Variants in TMEM114 observed in about 807,000 individuals in gnomAD.
The protein encoded by TMEM114 is claudin-26.
In TMEM114, 6 loss-of-function variants were observed where a neutral mutation model predicts 6.2. That is an observed-to-expected ratio of 0.97 (90% CI 0.53 to 1.91). The LOEUF (loss-of-function observed/expected upper bound fraction) is 1.91. TMEM114 is among the 40% of genes most tolerant of loss of function. TMEM114 has a pLI of 0.01. For synonymous variants in TMEM114, 104 were observed against 73.0 expected, an observed-to-expected ratio of 1.42 and a Z score of -2.16; for missense variants, 218 against 158.3, an observed-to-expected ratio of 1.38 and a Z score of -2.02.
chr16:8,572,761 G>C (rs181085588), intron 2 of TMEM114, among the ~76,000 whole-genome samples: 2 of 152,300 alleles, frequency 1.3e-5, no homozygotes, highest in Admixed American at 1.3e-4. Context: ...CAAGAGAGAA[G>C]CCGCAATGCA....
downstream of TMEM114, among the ~76,000 whole-genome samples, chr16:8,536,777 C>A (rs1900373185): frequency 6.6e-6 from 1 of 152,142 alleles, no homozygotes; most frequent in Non-Finnish European, 1.5e-5. Flanking sequence ...CACTGGGAAT[C>A]ACCACTGTTC....
At chr16:8,535,122 T>C (rs1390656144), downstream of TMEM114, among the ~76,000 whole-genome samples, 2 of 152,194 alleles carry the variant, frequency 1.3e-5, no homozygotes, top group Non-Finnish European at 2.9e-5. Context: ...GTGCCTAGTC[T>C]CTGAGTCTCT....
downstream of TMEM114, among the ~76,000 whole-genome samples, chr16:8,568,939 A>G (rs554834362): frequency 6.6e-6 from 1 of 152,354 alleles, no homozygotes; most frequent in East Asian, 1.9e-4. Context: ...CTCGGCATTT[A>G]TGCAAACAGT....
chr16:8,530,558 A>G, the TMEM114 span, among the ~76,000 whole-genome samples: 7 of 139,114 alleles, frequency 5.0e-5, no homozygotes, highest in South Asian at 5.0e-4. Flanking sequence ...AGAAAGGAAG[A>G]CAGCGAGGGA....
intron 2 of TMEM114, among the ~76,000 whole-genome samples, chr16:8,550,762 C>T (rs548974928): frequency 2.0e-5 from 3 of 152,046 alleles, no homozygotes; most frequent in South Asian, 2.1e-4. Flanking sequence ...GCTCTTGGGG[C>T]TCTGAATGTT....
chr16:8,560,650 C>G (rs1567201256), intron 2 of TMEM114, among the ~76,000 whole-genome samples: 1 of 152,124 alleles, frequency 6.6e-6, no homozygotes, highest in Non-Finnish European at 1.5e-5. Context: ...TCAGCCTCTA[C>G]CAGAGCAAGT....
chr16:8,538,484 C>T (rs1406110897), intron 2 of TMEM114, among the ~76,000 whole-genome samples: 1 of 150,494 alleles, frequency 6.6e-6, no homozygotes, highest in Non-Finnish European at 1.5e-5. Context: ...AATGTGTGTG[C>T]TGTGGTTTTT....
chr16:8,587,796 C>G (rs1220783475), intron 2 of TMEM114, among the ~76,000 whole-genome samples: 1 of 152,086 alleles, frequency 6.6e-6, no homozygotes, highest in East Asian at 1.9e-4. Flanking sequence ...TGAGCTAAGA[C>G]CGTGCCACTG....
At chr16:8,538,837 T>A (rs142300281) in intron 2 of TMEM114, among the ~76,000 whole-genome samples, 167 of 152,316 alleles carry the variant, frequency 1.1e-3, no homozygotes, top group African/African-American at 3.7e-3. Flanking sequence ...TGTATATACT[T>A]CATTGCATAT....
intron 2 of TMEM114, among the ~76,000 whole-genome samples, chr16:8,589,001 C>T (rs1248833189): frequency 6.6e-6 from 1 of 152,060 alleles, no homozygotes; most frequent in Non-Finnish European, 1.5e-5. Context: ...TCAACGTGAG[C>T]TGAATGAACC....
chr16:8,529,572 G>A, the TMEM114 span, among the ~76,000 whole-genome samples: 3 of 152,146 alleles, frequency 2.0e-5, no homozygotes, highest in Non-Finnish European at 4.4e-5. Context: ...TCCCCCTTCA[G>A]ATGAACTGAA....
chr16:8,528,644 G>T, the TMEM114 span, among the ~76,000 whole-genome samples: 19 of 152,144 alleles, frequency 1.2e-4, no homozygotes, highest in Non-Finnish European at 2.5e-4. Context: ...TATTTAAATC[G>T]CAGCCTTGGT....
chr16:8,555,779 G>C (rs1448359707), intron 2 of TMEM114, among the ~76,000 whole-genome samples: 22 of 152,142 alleles, frequency 1.4e-4, no homozygotes, highest in Admixed American at 1.4e-3. Flanking sequence ...GGATGCAGTT[G>C]GCATCTACTG....
At chr16:8,564,625 GTGAGTGAGTGAA>G (rs1901457166), downstream of TMEM114, among the ~76,000 whole-genome samples, 3 of 136,530 alleles carry the variant, frequency 2.2e-5, 1 homozygote, top group South Asian at 2.6e-4. Context: ...GAGTGAATGA[GTGAGTGAGTGAA>G]TGAGTGAGTA....
chr16:8,556,624 C>G (rs957695974), intron 2 of TMEM114, among the ~76,000 whole-genome samples: 6 of 152,046 alleles, frequency 3.9e-5, no homozygotes, highest in Admixed American at 3.9e-4. Flanking sequence ...GCCCCAGCCT[C>G]CTGAATAGCT....
intron 3 of TMEM114, among the ~76,000 whole-genome samples, chr16:8,571,043 G>C (rs1333375929): frequency 6.6e-6 from 1 of 151,820 alleles, no homozygotes; most frequent in Non-Finnish European, 1.5e-5. Flanking sequence ...TGAGAACTTT[G>C]CAATATTTTC....
chr16:8,547,945 G>A (rs1014319154), intron 2 of TMEM114, among the ~76,000 whole-genome samples: 2 of 152,094 alleles, frequency 1.3e-5, no homozygotes, highest in Middle Eastern at 3.2e-3. Context: ...TCCAACATCT[G>A]GATTTGCTGG....
downstream of TMEM114, among the ~76,000 whole-genome samples, chr16:8,567,031 G>T (rs1196413597): frequency 6.7e-6 from 1 of 149,824 alleles, no homozygotes; most frequent in African/African-American, 2.5e-5. Context: ...CTCCCAAGTA[G>T]CTGGGATTAC....
At chr16:8,585,816 T>G (rs1902300124) in intron 2 of TMEM114, among the ~76,000 whole-genome samples, 1 of 152,022 alleles carries the variant, frequency 6.6e-6, no homozygotes, top group Non-Finnish European at 1.5e-5. Flanking sequence ...CACAATAACC[T>G]TACAAAAAGA....
Sources: gnomAD v4.1 joint callset for allele counts (sites outside exome capture counted in the v4.1 genomes callset) on GRCh38, gnomAD v4.1.1 for gene constraint, MANE v1.5 for transcripts, NCBI Gene and HGNC (gene_info 2026-07-23, HGNC 2026-07-21) for gene names.